The following TTLL6 variants were observed in gnomAD, a reference collection of about 807,000 sequenced individuals.
TTLL6 encodes tubulin tyrosine ligase like 6.
Under a neutral mutation model 96.4 loss-of-function variants are expected in TTLL6, and 75 were observed. That is an observed-to-expected ratio of 0.78 (90% CI 0.65 to 0.94). The LOEUF (loss-of-function observed/expected upper bound fraction) is 0.94, where lower values mean the gene tolerates loss of function less well. Ranked by LOEUF, TTLL6 falls within the 40% of genes least tolerant of loss-of-function variation. The probability of loss-of-function intolerance (pLI) is 0.00; values close to 1 mark genes in which losing one functional copy is unlikely to be tolerated. For synonymous variants in TTLL6, 411 were observed against 419.4 expected (o/e 0.98, Z 0.24); for missense variants, 1,030 against 1,093.0 (o/e 0.94, Z 0.81).
intron 1 of TTLL6, 149 bp downstream of exon 1, chr17:48,816,821 C>T (rs1453342903): frequency 7.4e-6 from 4 of 544,034 alleles, no homozygotes; most frequent in Non-Finnish European, 1.3e-5. Flanking sequence ...GTGCCTGGCG[C>T]CATGGAACGC....
rs2039333848 is a variant in TTLL6 at position 48,797,286 on chromosome 17, TG to T, written c.769-83del. The stretch of plus-strand genomic sequence containing the variant: ...ATCACTAGCTCCCGCCTTGTTTCCA[TG>T]GAGTTGGCTCCAACATTGCCTAGTG... On this transcript the variant is annotated intron_variant, in intron 6 of 15. Transcript: ENST00000393382. The T allele has an allele frequency of 4.2e-6, 6 of 1,430,474 alleles. No homozygotes were observed. The South Asian group carries it at 5.5e-5, about 13-fold the overall frequency. 88.6% of individuals were successfully genotyped at this position (1,430,474 alleles called of 1,614,324 possible).
At chr17:48,799,394 T>G (rs1350001055) in intron 6 of TTLL6, among the ~76,000 whole-genome samples, 2 of 152,176 alleles carry the variant, frequency 1.3e-5, no homozygotes, top group Non-Finnish European at 2.9e-5. Context: ...GCCAGACCAA[T>G]TGACAAGGGT....
intron 8 of TTLL6, among the ~76,000 whole-genome samples, chr17:48,792,376 A>G (rs567548954): frequency 6.6e-6 from 1 of 152,200 alleles, no homozygotes; most frequent in Non-Finnish European, 1.5e-5. Context: ...GGGGACAGAC[A>G]TTTGCCACCT....
intron 8 of TTLL6, chr17:48,794,273 A>C (rs200891914): frequency 1.6e-4 from 266 of 1,613,736 alleles, no homozygotes; most frequent in Non-Finnish European, 2.1e-4. Flanking sequence ...TGGGGTGCCA[A>C]TTCTCATTGG....
At chr17:48,782,342 T>A (rs373860210) in intron 13 of TTLL6, among the ~76,000 whole-genome samples, 1 of 151,950 alleles carries the variant, frequency 6.6e-6, no homozygotes, top group East Asian at 1.9e-4. Flanking sequence ...TTTAGTAGAA[T>A]TGGGGTTTCA....
At chr17:48,798,888 G>A (rs2143426420) in intron 6 of TTLL6, among the ~76,000 whole-genome samples, 1 of 145,156 alleles carries the variant, frequency 6.9e-6, no homozygotes, top group Admixed American at 7.1e-5. Flanking sequence ...GGAATGCAGT[G>A]GCACAATCTT....
intron 4 of TTLL6, 48 bp from the exon 5 acceptor site, chr17:48,801,433 C>CT (rs1373302018): frequency 6.4e-7 from 1 of 1,551,222 alleles, no homozygotes; most frequent in Non-Finnish European, 8.7e-7. Flanking sequence ...CATGGGAGTA[C>CT]TACAAGATCT....
intron 13 of TTLL6, among the ~76,000 whole-genome samples, chr17:48,782,632 T>G (rs1266918663): frequency 6.6e-6 from 1 of 152,242 alleles, no homozygotes; most frequent in Non-Finnish European, 1.5e-5. Flanking sequence ...ACATACTCTC[T>G]TAAAGGTGCT....
intron 9 of TTLL6, among the ~76,000 whole-genome samples, chr17:48,791,053 C>T (rs1481195640): frequency 6.6e-6 from 1 of 152,140 alleles, no homozygotes; most frequent in Non-Finnish European, 1.5e-5. Flanking sequence ...ACGTTGCCAA[C>T]CCAGCTTTGA....
At chr17:48,798,382 C>T (rs1316565012) in intron 6 of TTLL6, among the ~76,000 whole-genome samples, 1 of 152,112 alleles carries the variant, frequency 6.6e-6, no homozygotes, top group East Asian at 1.9e-4. Context: ...GCTTGGTTAA[C>T]ATAGTGAAAC....
chr17:48,799,647 A>G lies in TTLL6; in HGVS notation c.725T>C (p.Ile242Thr), dbSNP rs1048799028. ...GIFITRTVKE[I>T]KPGEDMICQL... Reference sequence around the variant, plus strand: ...ACAGATCATATCCTCCCCTGGTTTGATTTCTTTCACTGTCCGGGTGATGAA... The same window carrying G: ...ACAGATCATATCCTCCCCTGGTTTGGTTTCTTTCACTGTCCGGGTGATGAA... Residue 242 changes from isoleucine (I) to threonine (T), a missense_variant, in exon 6 of 16, where the codon ATC becomes ACC. Physicochemically the swap from Ile to Thr is moderately conservative, Grantham distance 89. Transcript: ENST00000393382. The G allele has an allele frequency of 1.9e-6, 3 of 1,551,896 alleles. No homozygotes were observed. The highest frequency in any genetic ancestry group is 2.6e-6 in the Non-Finnish European group (3 of 1,147,046).
chr17:48,799,832 G>T, intron 5 of TTLL6, 72 bp from the exon 6 acceptor site: 2 of 1,384,472 alleles, frequency 1.4e-6, no homozygotes, highest in African/African-American at 1.4e-5. Context: ...AGCCCTTTAT[G>T]AAGAAAAGAA....
chr17:48,780,040 C>T (rs978306795), intron 13 of TTLL6, among the ~76,000 whole-genome samples: 2 of 149,422 alleles, frequency 1.3e-5, no homozygotes, highest in Non-Finnish European at 3.0e-5. Context: ...CAAAATTGTA[C>T]GGTGAAGATT....
At chr17:48,764,074 T>TGC (rs1199395568) in intron 15 of TTLL6, among the ~76,000 whole-genome samples, 1 of 151,856 alleles carries the variant, frequency 6.6e-6, no homozygotes, top group Non-Finnish European at 1.5e-5. Context: ...AAGTTGAGGC[T>TGC]GCAGTGAGCC....
chr17:48,779,551 A>G (rs1274044094), intron 13 of TTLL6, among the ~76,000 whole-genome samples: 1 of 152,146 alleles, frequency 6.6e-6, no homozygotes, highest in Non-Finnish European at 1.5e-5. Flanking sequence ...TCTCCTAGGT[A>G]GTTATACAAG....
intron 13 of TTLL6, among the ~76,000 whole-genome samples, chr17:48,771,909 T>C (rs1321618502): frequency 2.6e-5 from 4 of 151,632 alleles, no homozygotes; most frequent in Admixed American, 6.6e-5. Flanking sequence ...ACCTCATCTC[T>C]ACTAAAAATA....
chr17:48,785,621 A>G (rs2039076503), intron 12 of TTLL6, among the ~76,000 whole-genome samples: 1 of 152,144 alleles, frequency 6.6e-6, no homozygotes, highest in Non-Finnish European at 1.5e-5. Context: ...CTAAGCAGAG[A>G]AGGCGTAGAC....
chr17:48,768,645 ATCT>A (rs2038665706), intron 15 of TTLL6, among the ~76,000 whole-genome samples: 1 of 150,476 alleles, frequency 6.6e-6, no homozygotes, highest in Non-Finnish European at 1.5e-5. Context: ...GCATCAAGTA[ATCT>A]TCTCGCCTCA....
chr17:48,784,368 G>A (rs2039047910), intron 13 of TTLL6, among the ~76,000 whole-genome samples: 1 of 151,950 alleles, frequency 6.6e-6, no homozygotes, highest in Non-Finnish European at 1.5e-5. Context: ...TTGCACCACT[G>A]CACCCCAGCC....
Sources: allele counts gnomAD v4.1 joint callset (sites outside exome capture counted in the v4.1 genomes callset), GRCh38; gene constraint gnomAD v4.1.1; transcripts MANE v1.5; gene names NCBI Gene and HGNC (gene_info 2026-07-23, HGNC 2026-07-21).